The following NXPH1 variants were observed in gnomAD, a reference collection of about 807,000 sequenced individuals.
The protein encoded by NXPH1 is neurexophilin 1, also known as neurexophilin-1.
Under a neutral mutation model 23.7 loss-of-function variants are expected in NXPH1, and 5 were observed. That is an observed-to-expected ratio of 0.21 (90% CI 0.11 to 0.44). The LOEUF (loss-of-function observed/expected upper bound fraction) is 0.44, where lower values mean the gene tolerates loss of function less well. Among genes scored for constraint, NXPH1 ranks in the 20% least tolerant of loss-of-function variants. NXPH1 has a pLI of 0.99. For synonymous variants in NXPH1, 144 were observed against 122.2 expected (o/e 1.18, Z -1.18); for missense variants, 324 against 321.6 (o/e 1.01, Z -0.06).
chr7:8,734,678 G>T (rs1325867646), intron 2 of NXPH1, among the ~76,000 whole-genome samples: 1 of 152,142 alleles, frequency 6.6e-6, no homozygotes, highest in Non-Finnish European at 1.5e-5. Context: ...GTTGATTTGG[G>T]GTGGAGAGTT....
At chr7:8,691,766 C>T (rs1821225418) in intron 2 of NXPH1, among the ~76,000 whole-genome samples, 1 of 152,086 alleles carries the variant, frequency 6.6e-6, no homozygotes, top group African/African-American at 2.4e-5. Flanking sequence ...TAGGCATGTT[C>T]TCTAATCTAA....
chr7:8,608,278 T>A (rs1488534096), intron 2 of NXPH1, among the ~76,000 whole-genome samples: 1 of 152,130 alleles, frequency 6.6e-6, no homozygotes, highest in African/African-American at 2.4e-5. Context: ...TAAATGGAAG[T>A]CTTGAAAGTC....
intron 2 of NXPH1, among the ~76,000 whole-genome samples, chr7:8,575,158 AT>A (rs1554257906): frequency 1.3e-5 from 2 of 152,150 alleles, no homozygotes; most frequent in Non-Finnish European, 2.9e-5. Flanking sequence ...CTCAGAATGA[AT>A]TTTTGCTTAA....
intron 2 of NXPH1, among the ~76,000 whole-genome samples, chr7:8,669,896 T>C (rs1820839919): frequency 6.6e-6 from 1 of 152,170 alleles, no homozygotes; most frequent in African/African-American, 2.4e-5. Context: ...TGTAAAAATA[T>C]TTTCATGCAG....
At chr7:8,444,415 A>G (rs1265759298) in intron 2 of NXPH1, among the ~76,000 whole-genome samples, 1 of 152,154 alleles carries the variant, frequency 6.6e-6, no homozygotes, top group Admixed American at 6.5e-5. Context: ...CTAGTTTTCT[A>G]GGACTGGGTA....
chr7:8,531,744 T>A (rs149486033), intron 2 of NXPH1, among the ~76,000 whole-genome samples: 1 of 152,324 alleles, frequency 6.6e-6, no homozygotes, highest in East Asian at 1.9e-4. Flanking sequence ...TGAGTTAATA[T>A]ATTTTGGGGA....
intron 2 of NXPH1, among the ~76,000 whole-genome samples, chr7:8,734,944 T>A (rs1331619731): frequency 1.3e-5 from 2 of 152,130 alleles, no homozygotes; most frequent in Non-Finnish European, 2.9e-5. Flanking sequence ...TGGCTCTCTG[T>A]CTGTTATTGG....
intron 2 of NXPH1, among the ~76,000 whole-genome samples, chr7:8,699,203 C>T (rs951096638): frequency 2.6e-5 from 4 of 152,036 alleles, no homozygotes; most frequent in South Asian, 2.1e-4. Context: ...TCATTTTAAA[C>T]GTGAAAACAG....
chr7:8,696,336 G>A (rs749376864), intron 2 of NXPH1, among the ~76,000 whole-genome samples: 2 of 152,294 alleles, frequency 1.3e-5, no homozygotes, highest in African/African-American at 2.4e-5. Flanking sequence ...GGGACATTGG[G>A]CACAGGCTAA....
At chr7:8,440,781 C>T (rs573133706) in intron 2 of NXPH1, among the ~76,000 whole-genome samples, 20 of 151,386 alleles carry the variant, frequency 1.3e-4, no homozygotes, top group African/African-American at 4.4e-4. Flanking sequence ...ACTAGGGGGG[C>T]GATGGGGAAG....
chr7:8,623,275 A>G (rs572571933), intron 2 of NXPH1, among the ~76,000 whole-genome samples: 3 of 152,158 alleles, frequency 2.0e-5, no homozygotes, highest in Admixed American at 2.0e-4. Context: ...ACAAAGGTTC[A>G]TTTGTTATAG....
At chr7:8,710,640 G>GTTTTTTTTTTTTTTTTTTTTTTTT (rs1368543367) in intron 2 of NXPH1, among the ~76,000 whole-genome samples, 1 of 27,672 alleles carries the variant, frequency 3.6e-5, no homozygotes. Flanking sequence ...CAACTGTTAC[G>GTTTTTTTTTTTTTTTTTTTTTTTT]TTTTTTGTTT....
intron 2 of NXPH1, among the ~76,000 whole-genome samples, chr7:8,736,940 G>C (rs1780267853): frequency 6.6e-6 from 1 of 151,028 alleles, no homozygotes; most frequent in South Asian, 2.1e-4. Context: ...CAGAGACTAG[G>C]ATTGCAACCC....
At chr7:8,574,906 G>T (rs1818723475) in intron 2 of NXPH1, among the ~76,000 whole-genome samples, 1 of 152,114 alleles carries the variant, frequency 6.6e-6, no homozygotes, top group Non-Finnish European at 1.5e-5. Flanking sequence ...GGATAAAAAT[G>T]CACTGATGGT....
At chr7:8,450,663 G>C (rs77224927) in intron 2 of NXPH1, among the ~76,000 whole-genome samples, 5,692 of 152,338 alleles carry the variant, frequency 0.037, 147 homozygotes, top group Middle Eastern at 0.054. Context: ...GGAGAGCTTA[G>C]TTATGCCTTG....
At chr7:8,721,589 C>G (rs550316099) in intron 2 of NXPH1, among the ~76,000 whole-genome samples, 1 of 152,202 alleles carries the variant, frequency 6.6e-6, no homozygotes, top group South Asian at 2.1e-4. Flanking sequence ...TCCTGGCTAA[C>G]ACGGTGAAAC....
At chr7:8,666,794 G>T (rs1045732392) in intron 2 of NXPH1, among the ~76,000 whole-genome samples, 1 of 151,924 alleles carries the variant, frequency 6.6e-6, no homozygotes, top group Non-Finnish European at 1.5e-5. Flanking sequence ...ATTTATTCTA[G>T]ATTATCCAAT....
In NXPH1 at chr7:8,435,614, G is replaced by C. The variant is rs554454994; in HGVS notation, c.-100G>C. The C allele has an allele frequency of 1.9e-6, 2 of 1,075,946 alleles. No individual in the cohort carries two copies. The highest frequency in any genetic ancestry group is 2.0e-4 in the Middle Eastern group (1 of 4,956). 66.6% of individuals were successfully genotyped at this position (1,075,946 alleles called of 1,614,324 possible). On this transcript the variant is annotated 5_prime_UTR_variant, in exon 2 of 3. Transcript: ENST00000405863. The surrounding 1 kb of genome is among the most constrained non-coding windows in gnomAD (Gnocchi z 5.9). ...TTTATTTGCATCTAGGCTGCTGAGA[G>C]CGCTCCTTGCTCTGTAAAGTGGATG...
chr7:8,633,726 G>A (rs1820171589), intron 2 of NXPH1, among the ~76,000 whole-genome samples: 1 of 152,144 alleles, frequency 6.6e-6, no homozygotes, highest in African/African-American at 2.4e-5. Flanking sequence ...ACAGCCCATG[G>A]TTCATCAAGC....
Sources: allele counts gnomAD v4.1 joint callset (sites outside exome capture counted in the v4.1 genomes callset), GRCh38; gene constraint gnomAD v4.1.1; non-coding constraint Gnocchi (gnomAD v3.1); transcripts MANE v1.5; gene names NCBI Gene and HGNC (gene_info 2026-07-23, HGNC 2026-07-21).